The following HECW2 variants were observed in gnomAD, a reference collection of about 807,000 sequenced individuals.
HECW2 encodes the protein HECT, C2 and WW domain containing E3 ubiquitin protein ligase 2, also known as E3 ubiquitin-protein ligase HECW2.
Under a neutral mutation model 175.2 loss-of-function variants are expected in HECW2, and 61 were observed. The ratio of observed to expected loss-of-function variants is 0.35; its 90% CI spans 0.28 to 0.43. The LOEUF is 0.43. Among genes scored for constraint, HECW2 ranks in the 20% least tolerant of loss-of-function variants. The pLI, the probability that HECW2 is intolerant of heterozygous loss-of-function variation, is 1.00. For missense variants in HECW2, 1,524 were observed against 2,000.5 expected (o/e 0.76, Z 4.54); for synonymous variants, 671 against 731.0 (o/e 0.92, Z 1.32).
At chr2:196,483,891 G>A (rs978669393) in intron 1 of HECW2, among the ~76,000 whole-genome samples, 2 of 152,128 alleles carry the variant, frequency 1.3e-5, no homozygotes, top group Admixed American at 6.5e-5. Context: ...ATCTTTTGAG[G>A]GGGAAAAAAC....
chr2:196,487,707 C>T lies in HECW2; in HGVS notation c.-35-54249G>A, dbSNP rs150825400. On this transcript the variant is annotated intron_variant, in intron 1 of 28. Transcript: ENST00000644978. The stretch of plus-strand genomic sequence containing the variant: ...CAGCCAAAGACTGCATGGATTTAAC[C>T]ATCTCAAAACTGTAGTACTGACCCT... Among the ~76,000 whole-genome samples the T allele has an allele frequency of 7.5e-3, 1,140 of 152,276 alleles. 8 individuals carry two copies. Among genetic ancestry groups the T allele is most frequent in the Non-Finnish European group, 0.013 (916 of 68,016 alleles).
At chr2:196,372,013 A>C (rs1244911846) in intron 2 of HECW2, among the ~76,000 whole-genome samples, 1 of 152,198 alleles carries the variant, frequency 6.6e-6, no homozygotes, top group Non-Finnish European at 1.5e-5. Flanking sequence ...TTTAATTTTC[A>C]AAGAGACCCT....
chr2:196,219,143 A>G (rs576115407), intron 26 of HECW2, among the ~76,000 whole-genome samples: 5 of 152,354 alleles, frequency 3.3e-5, no homozygotes, highest in African/African-American at 4.8e-5. Context: ...TGATTAATTC[A>G]GTGATGTTAG....
Position 196,408,287 on chromosome 2 carries a change from G to A in HECW2, c.292+24845C>T, listed in dbSNP as rs901163763. On this transcript the variant is annotated intron_variant, in intron 2 of 28. Transcript: ENST00000644978. Reference sequence around the variant, plus strand: ...GGTATAATGGAAAAACATTGAATGAGGTATCAAGAATCACAAGTTATGAAC... The same window carrying A: ...GGTATAATGGAAAAACATTGAATGAAGTATCAAGAATCACAAGTTATGAAC... 2.7e-4 allele frequency among the ~76,000 whole-genome samples: 41 copies of A among 152,270 alleles called. 1 individual carries two copies. Among genetic ancestry groups the A allele is most frequent in the Admixed American group, 2.4e-3 (37 of 15,300 alleles).
Position 196,319,135 on chromosome 2 carries a change from G to A in HECW2, c.1755C>T (p.Ser585=), listed in dbSNP as rs142030437. ...CTCTTCGGCTTCCTCCTGATGCATC[G>A]GAAGTCCCTGTGTCTGCGCCACTTG... ...QPTSGADTGT[S]DASGGSRRAV... is the part of the protein sequence containing the mutation. Residue 585 remains serine (S), a synonymous_variant, in exon 9 of 29, where the codon TCC becomes TCT. Transcript: ENST00000644978. The A allele has an allele frequency of 2.2e-5, 35 of 1,593,242 alleles. No homozygotes were observed. The highest frequency in any genetic ancestry group is 6.7e-5 in the African/African-American group (5 of 74,488).
At chr2:196,482,672 T>A (rs1434055710) in intron 1 of HECW2, among the ~76,000 whole-genome samples, 1 of 152,186 alleles carries the variant, frequency 6.6e-6, no homozygotes, top group African/African-American at 2.4e-5. Flanking sequence ...CTGCTGAGCA[T>A]CTGTCCTGGG....
chr2:196,257,185 T>C (rs1689089329), intron 18 of HECW2, among the ~76,000 whole-genome samples: 1 of 150,580 alleles, frequency 6.6e-6, no homozygotes, highest in African/African-American at 2.4e-5. Context: ...TGAGGGATAA[T>C]AAAAAAATGA....
intron 1 of HECW2, among the ~76,000 whole-genome samples, chr2:196,556,343 T>C (rs1049037475): frequency 2.0e-5 from 3 of 152,172 alleles, no homozygotes; most frequent in Non-Finnish European, 4.4e-5. Context: ...ATTTCAAGTA[T>C]ACAATATATT....
chr2:196,319,230 G>A lies in HECW2; in HGVS notation c.1660C>T (p.Pro554Ser). 1 of 1,597,310 alleles carries A rather than the reference G, an allele frequency of 6.3e-7. No homozygotes were observed. The highest frequency in any genetic ancestry group is 8.5e-7 in the Non-Finnish European group (1 of 1,172,232). Reference protein sequence around the residue: ...GPAPEEGEGGPEPQPSADQGS... With the variant: ...GPAPEEGEGGSEPQPSADQGS... ...TGGTCAGCACTGGGTTGAGGCTCTG[G>A]GCCGCCTTCACCTTCCTCTGGGGCT... The change falls in exon 9 of 29, where the codon CCA (proline) becomes TCA (serine). Residue 554 changes from proline to serine, a missense_variant. Coordinates refer to ENST00000644978, the MANE Select transcript of HECW2 (RefSeq NM_001348768.2).
chr2:196,235,155 T>C (rs887970034), intron 21 of HECW2, among the ~76,000 whole-genome samples: 7 of 150,614 alleles, frequency 4.6e-5, no homozygotes, highest in Non-Finnish European at 7.4e-5. Flanking sequence ...TGGAGTGCAG[T>C]GGTGTGATCT....
At chr2:196,474,368 T>C (rs1697334487) in intron 1 of HECW2, among the ~76,000 whole-genome samples, 1 of 152,216 alleles carries the variant, frequency 6.6e-6, no homozygotes, top group South Asian at 2.1e-4. Flanking sequence ...GGCTTGCATT[T>C]TGGCAGAAGT....
intron 2 of HECW2, among the ~76,000 whole-genome samples, chr2:196,387,294 A>G (rs745480438): frequency 1.3e-5 from 2 of 152,152 alleles, no homozygotes; most frequent in African/African-American, 2.4e-5. Context: ...CAAATCCCCA[A>G]TGCAATATTA....
intron 1 of HECW2, among the ~76,000 whole-genome samples, chr2:196,473,583 TA>T (rs1358989116): frequency 2.0e-5 from 3 of 152,290 alleles, no homozygotes; most frequent in African/African-American, 7.2e-5. Flanking sequence ...GATAATTTAT[TA>T]GTCAAAAAAT....
intron 2 of HECW2, among the ~76,000 whole-genome samples, chr2:196,406,801 G>A (rs1192653621): frequency 6.6e-6 from 1 of 152,194 alleles, no homozygotes; most frequent in African/African-American, 2.4e-5. Context: ...TGTTGGCAAT[G>A]CTTGTTCCTT....
chr2:196,456,163 G>A (rs189879329), intron 1 of HECW2, among the ~76,000 whole-genome samples: 2 of 152,114 alleles, frequency 1.3e-5, no homozygotes, highest in East Asian at 1.9e-4. Flanking sequence ...AAACATTTAA[G>A]CTCTTCTTTA....
intron 1 of HECW2, among the ~76,000 whole-genome samples, chr2:196,556,872 A>T (rs17245309): frequency 0.13 from 20,453 of 152,250 alleles, 1,475 homozygotes; most frequent in Middle Eastern, 0.25. Context: ...TAAAAGGCAA[A>T]TTGAAAACTA....
At chr2:196,359,615 A>T (rs3849359) in intron 2 of HECW2, among the ~76,000 whole-genome samples, 97,513 of 152,174 alleles carry the variant, frequency 0.64, 34,882 homozygotes, top group East Asian at 0.94. Context: ...TACAATCATT[A>T]TGAAATACAA....
chr2:196,502,658 G>GTTCC (rs975564342), intron 1 of HECW2, among the ~76,000 whole-genome samples: 7 of 152,104 alleles, frequency 4.6e-5, no homozygotes, highest in African/African-American at 1.4e-4. Context: ...TCCCATGACT[G>GTTCC]TTCCTTCCTT....
In HECW2 at chr2:196,319,456, G is replaced by A; in HGVS notation, c.1434C>T (p.Tyr478=). The change falls in exon 9 of 29, where the codon TAC becomes TAT. Residue 478 remains tyrosine, a synonymous_variant. Coordinates refer to ENST00000644978, the MANE Select transcript of HECW2 (RefSeq NM_001348768.2). ...CTCCCTCCTCCTCCAAGGAAGATGG[G>A]TAACCCAGGTCTTGCTGGAACTCGT... ...EDHEFQQDLG[Y]PSSLEEEGGL... is the part of the protein sequence containing the mutation. 1.2e-6 allele frequency: 2 copies of A among 1,614,020 alleles called. No individual in the cohort carries two copies. Among genetic ancestry groups the A allele is most frequent in the East Asian group, 4.5e-5 (2 of 44,870 alleles).
Sources: gnomAD v4.1 joint callset for allele counts (sites outside exome capture counted in the v4.1 genomes callset) on GRCh38, gnomAD v4.1.1 for gene constraint, MANE v1.5 for transcripts, NCBI Gene and HGNC (gene_info 2026-07-23, HGNC 2026-07-21) for gene names.